RANBP2: variants seen among roughly 807,000 people sequenced by gnomAD.
The protein encoded by RANBP2 is E3 SUMO-protein ligase RanBP2.
A neutral mutation model predicts 303.6 loss-of-function variants in RANBP2; 57 were observed. The ratio of observed to expected loss-of-function variants is 0.19; its 90% CI spans 0.15 to 0.23. The LOEUF (loss-of-function observed/expected upper bound fraction) is 0.23, where lower values mean the gene tolerates loss of function less well. Among genes scored for constraint, RANBP2 ranks in the 10% least tolerant of loss-of-function variants. The pLI is 1.00. For synonymous variants in RANBP2, 1,167 were observed against 1,301.5 expected, an observed-to-expected ratio of 0.90 and a Z score of 2.23; for missense variants, 3,138 against 3,780.8, an observed-to-expected ratio of 0.83 and a Z score of 4.46.
the RANBP2 span, among the ~76,000 whole-genome samples, chr2:109,390,177 C>A: frequency 6.6e-6 from 1 of 152,216 alleles, no homozygotes; most frequent in Non-Finnish European, 1.5e-5. Context: ...AGAGAGACTT[C>A]CCTTGTGGCA....
the RANBP2 span, among the ~76,000 whole-genome samples, chr2:108,898,734 A>G: frequency 6.6e-6 from 1 of 152,242 alleles, no homozygotes; most frequent in African/African-American, 2.4e-5. Context: ...AGGAAAAATA[A>G]TAGAAAATGT....
chr2:109,046,195 T>G, the RANBP2 span, among the ~76,000 whole-genome samples: 1 of 150,504 alleles, frequency 6.6e-6, no homozygotes, highest in South Asian at 2.1e-4. Flanking sequence ...TCCCAGCTAC[T>G]CGGGAGGCTG....
chr2:109,601,292 A>G, the RANBP2 span, among the ~76,000 whole-genome samples: 8 of 152,240 alleles, frequency 5.3e-5, no homozygotes, highest in Admixed American at 2.6e-4. Flanking sequence ...TTAGCATACA[A>G]AAGACATCAC....
At chr2:109,306,763 G>A in the RANBP2 span, among the ~76,000 whole-genome samples, 1 of 152,230 alleles carries the variant, frequency 6.6e-6, no homozygotes, top group Non-Finnish European at 1.5e-5. Context: ...GGATGGTGCA[G>A]GAAGAAACTA....
At chr2:109,327,328 C>A in the RANBP2 span, among the ~76,000 whole-genome samples, 7 of 152,212 alleles carry the variant, frequency 4.6e-5, no homozygotes, top group Non-Finnish European at 8.8e-5. Context: ...TAAATCACAT[C>A]ATCTGCACAT....
At chr2:109,647,690 G>C in the RANBP2 span, among the ~76,000 whole-genome samples, 3 of 148,152 alleles carry the variant, frequency 2.0e-5, no homozygotes, top group African/African-American at 7.5e-5. Flanking sequence ...GGCTGGTCTC[G>C]AACTTCTGAC....
chr2:109,598,908 AT>A, the RANBP2 span, among the ~76,000 whole-genome samples: 1 of 151,910 alleles, frequency 6.6e-6, no homozygotes, highest in East Asian at 1.9e-4. Flanking sequence ...AAAAAAAATT[AT>A]TATCTGGGCC....
the RANBP2 span, among the ~76,000 whole-genome samples, chr2:109,575,808 G>A: frequency 2.0e-5 from 3 of 152,176 alleles, no homozygotes; most frequent in African/African-American, 4.8e-5. Context: ...TAATAAATGT[G>A]TACAAAATTA....
At position 108,762,798 on chromosome 2, in the gene RANBP2, C is replaced by CATCATCATCAT. The variant is rs1676821332; in HGVS notation, c.2698-439_2698-438insATCATCATCAT. Among the ~76,000 whole-genome samples the CATCATCATCAT allele has an allele frequency of 9.7e-4, 146 of 151,292 alleles. 2 individuals are homozygous for CATCATCATCAT. The highest frequency in any genetic ancestry group is 3.5e-3 in the African/African-American group (143 of 41,114). The stretch of plus-strand genomic sequence containing the variant: ...ATTAATAAATGCTCAATAAATGTTA[C>CATCATCATCAT]CATCATCATCATCATCATCATCATC... On this transcript the variant is annotated intron_variant, in intron 19 of 28. Transcript: ENST00000283195.
chr2:109,361,551 G>A, the RANBP2 span, among the ~76,000 whole-genome samples: 4 of 152,102 alleles, frequency 2.6e-5, no homozygotes, highest in Non-Finnish European at 5.9e-5. Flanking sequence ...TTGGCTCATT[G>A]CAACCTCCGC....
At chr2:108,774,369 G>C (rs1481820533) in intron 23 of RANBP2, among the ~76,000 whole-genome samples, 1 of 152,154 alleles carries the variant, frequency 6.6e-6, no homozygotes, top group Admixed American at 6.5e-5. Flanking sequence ...CTGAGTAGGA[G>C]GATTGCTCGG....
the RANBP2 span, among the ~76,000 whole-genome samples, chr2:109,232,658 A>G: frequency 3.3e-5 from 5 of 152,146 alleles, no homozygotes; most frequent in South Asian, 2.1e-4. Flanking sequence ...TTGATTAACA[A>G]TGTTTTAGAG....
chr2:109,247,994 T>C, the RANBP2 span, among the ~76,000 whole-genome samples: 2 of 152,272 alleles, frequency 1.3e-5, no homozygotes, highest in Non-Finnish European at 2.9e-5. Flanking sequence ...GTTGTCTCAT[T>C]AGCCAAAGGA....
chr2:108,863,004 C>T, the RANBP2 span, among the ~76,000 whole-genome samples: 3 of 152,280 alleles, frequency 2.0e-5, no homozygotes, highest in East Asian at 5.8e-4. Flanking sequence ...ATACTCCAGG[C>T]ATTAAACTTG....
the RANBP2 span, among the ~76,000 whole-genome samples, chr2:109,515,274 C>T: frequency 6.6e-6 from 1 of 152,124 alleles, no homozygotes. Flanking sequence ...AACAGTGTGC[C>T]CCACATGATT....
the RANBP2 span, among the ~76,000 whole-genome samples, chr2:109,181,513 A>T: frequency 9.0e-3 from 1,367 of 152,326 alleles, 27 homozygotes; most frequent in African/African-American, 0.031. Flanking sequence ...TAACAAACAC[A>T]GCAGAAAAGT....
chr2:109,248,079 C>G, the RANBP2 span, among the ~76,000 whole-genome samples: 1 of 152,320 alleles, frequency 6.6e-6, no homozygotes, highest in Non-Finnish European at 1.5e-5. Flanking sequence ...GAACATGAAT[C>G]AATTGGAGGC....
chr2:109,523,757 A>G, the RANBP2 span, among the ~76,000 whole-genome samples: 1 of 152,122 alleles, frequency 6.6e-6, no homozygotes, highest in Non-Finnish European at 1.5e-5. Context: ...CTGCCTGGGT[A>G]CAGTCTCAGC....
At chr2:109,180,395 G>C in the RANBP2 span, among the ~76,000 whole-genome samples, 4 of 152,138 alleles carry the variant, frequency 2.6e-5, no homozygotes, top group African/African-American at 9.7e-5. Context: ...TTCACAGCAG[G>C]TACACAGAGG....
Sources: allele counts gnomAD v4.1 joint callset (sites outside exome capture counted in the v4.1 genomes callset), GRCh38; gene constraint gnomAD v4.1.1; transcripts MANE v1.5; gene names NCBI Gene and HGNC (gene_info 2026-07-23, HGNC 2026-07-21).